Variants in CYFIP2 observed in about 807,000 individuals in gnomAD.
CYFIP2 encodes the protein cytoplasmic FMR1 interacting protein 2, also known as cytoplasmic FMR1-interacting protein 2.
In CYFIP2, 29 loss-of-function variants were observed where a neutral mutation model predicts 158.7. That is an observed-to-expected ratio of 0.18 (90% CI 0.14 to 0.25). CYFIP2 has a LOEUF of 0.25. CYFIP2 is among the 10% of genes least tolerant of loss of function. The probability of loss-of-function intolerance (pLI) is 1.00; values close to 1 mark genes in which losing one functional copy is unlikely to be tolerated. For missense variants in CYFIP2, 852 were observed against 1,639.5 expected, an observed-to-expected ratio of 0.52 and a Z score of 8.29; for synonymous variants, 585 against 617.6, an observed-to-expected ratio of 0.95 and a Z score of 0.78.
At chr5:157,386,040 T>C (rs947638401) in intron 28 of CYFIP2, among the ~76,000 whole-genome samples, 62 of 152,126 alleles carry the variant, frequency 4.1e-4, no homozygotes, top group African/African-American at 1.5e-3. Flanking sequence ...GAGAAAATGA[T>C]AGACATACCA....
chr5:157,388,229 A>G (rs940770065), intron 28 of CYFIP2, among the ~76,000 whole-genome samples: 7 of 152,198 alleles, frequency 4.6e-5, no homozygotes, highest in African/African-American at 1.7e-4. Flanking sequence ...CTCTACCCCT[A>G]CATGTTTTGA....
In CYFIP2 at chr5:157,395,120, C is replaced by T. The variant is rs942290394; in HGVS notation, c.*2120C>T. On this transcript the variant is annotated 3_prime_UTR_variant, in exon 31 of 31. Coordinates refer to ENST00000620254, the MANE Select transcript of CYFIP2 (RefSeq NM_001037333.3). ...ATATCCCTAAATTTGACCCTCTGGG[C>T]CGAGTCACATTACCTTCAGGAGACT... 3.0e-5 allele frequency: 5 copies of T among 168,452 alleles called. No homozygotes were observed. Among genetic ancestry groups the T allele is most frequent in the Non-Finnish European group, 6.3e-5 (5 of 79,572 alleles). 10.4% of individuals were successfully genotyped at this position (168,452 alleles called of 1,614,324 possible). A position where few individuals can be genotyped will look rare whatever the true frequency, so the allele number is the denominator to read the frequency against.
chr5:157,319,354 T>C (rs547225773), intron 13 of CYFIP2, among the ~76,000 whole-genome samples: 1 of 152,354 alleles, frequency 6.6e-6, no homozygotes, highest in East Asian at 1.9e-4. Flanking sequence ...AAAAGTTCTA[T>C]TTGATGTTGT....
intron 1 of CYFIP2, among the ~76,000 whole-genome samples, chr5:157,273,395 G>A (rs1756268421): frequency 6.6e-6 from 1 of 152,062 alleles, no homozygotes; most frequent in African/African-American, 2.4e-5. Flanking sequence ...CACCTCACAG[G>A]CAGTAATATT....
intron 26 of CYFIP2, among the ~76,000 whole-genome samples, chr5:157,378,413 T>C (rs1765697644): frequency 6.6e-6 from 1 of 152,248 alleles, no homozygotes; most frequent in Non-Finnish European, 1.5e-5. Flanking sequence ...GATATGATCC[T>C]GTCAGATGTG....
chr5:157,295,353 CTT>C (rs1758170070), intron 4 of CYFIP2, among the ~76,000 whole-genome samples: 2 of 152,128 alleles, frequency 1.3e-5, no homozygotes, highest in African/African-American at 2.4e-5. Context: ...TAATTACTGA[CTT>C]TTGTCATGTT....
At chr5:157,284,903 G>C (rs1365924908) in intron 1 of CYFIP2, among the ~76,000 whole-genome samples, 2 of 152,304 alleles carry the variant, frequency 1.3e-5, no homozygotes, top group Middle Eastern at 3.4e-3. Flanking sequence ...TAATTGTATT[G>C]CATGGTAATT....
In CYFIP2 at chr5:157,339,238, A is replaced by G. The variant is rs1401165380; in HGVS notation, c.2567A>G (p.Tyr856Cys). 4 of 1,613,816 alleles carry G rather than the reference A, an allele frequency of 2.5e-6. No homozygotes were observed. Among genetic ancestry groups the G allele is most frequent in the Non-Finnish European group, 3.4e-6 (4 of 1,179,874 alleles). The change falls in exon 22 of 31, where the codon TAC becomes TGC. Residue 856 changes from tyrosine (Y) to cysteine (C), a missense_variant. Transcript: ENST00000620254. The stretch of plus-strand genomic sequence containing the variant: ...TTTGACTTTCTCCCCAACTACTGCT[A>G]CAATGGGTCCACTAACCGGTAAGGG... ...LNFDFLPNYC[Y>C]NGSTNRFVRT...
intron 21 of CYFIP2, among the ~76,000 whole-genome samples, chr5:157,338,265 C>T (rs1485405298): frequency 2.0e-5 from 3 of 152,322 alleles, no homozygotes; most frequent in Middle Eastern, 6.8e-3. Context: ...ACATAGATCC[C>T]GGTCATCATG....
chr5:157,377,144 C>A (rs372316194), intron 26 of CYFIP2, among the ~76,000 whole-genome samples: 1 of 151,860 alleles, frequency 6.6e-6, no homozygotes, highest in East Asian at 1.9e-4. Flanking sequence ...TTGCTCTCCC[C>A]AATCCTTTCT....
At chr5:157,302,659 C>T (rs1414618421) in intron 6 of CYFIP2, 135 bp from the exon 7 acceptor site, 5 of 639,170 alleles carry the variant, frequency 7.8e-6, no homozygotes, top group Non-Finnish European at 1.4e-5. Context: ...ATTAGTGTTG[C>T]CTGGGATATT....
chr5:157,311,222 T>C lies in CYFIP2; in HGVS notation c.993-442T>C. ...AAAAGAGGCACAGTCACATTCATAT[T>C]TCCGCAATCCCAGCCCAAAGGCCCC... On this transcript the variant is annotated intron_variant, in intron 10 of 30. Transcript: ENST00000620254. The surrounding 1 kb of genome is among the most constrained non-coding windows in gnomAD (Gnocchi z 4.7). The C allele has an allele frequency of 2.5e-6, 1 of 392,446 alleles. No individual in the cohort carries two copies. Among genetic ancestry groups the C allele is most frequent in the African/African-American group, 2.1e-5 (1 of 48,162 alleles). 24.3% of individuals were successfully genotyped at this position (392,446 alleles called of 1,614,324 possible). A position where few individuals can be genotyped will look rare whatever the true frequency, so the allele number is the denominator to read the frequency against.
chr5:157,270,040 A>G (rs1170687517), intron 1 of CYFIP2, among the ~76,000 whole-genome samples: 2 of 152,252 alleles, frequency 1.3e-5, no homozygotes, highest in African/African-American at 4.8e-5. Flanking sequence ...GAGTTCAGGC[A>G]GAATTTCTTG....
intron 20 of CYFIP2, among the ~76,000 whole-genome samples, chr5:157,332,851 GCC>G (rs1761578338): frequency 6.6e-6 from 1 of 152,104 alleles, no homozygotes; most frequent in South Asian, 2.1e-4. Flanking sequence ...TTACTGTGTT[GCC>G]CATGCTGGTG....
chr5:157,272,552 T>G (rs73302143), intron 1 of CYFIP2, among the ~76,000 whole-genome samples: 3,126 of 152,328 alleles, frequency 0.021, 116 homozygotes, highest in African/African-American at 0.072. Context: ...TTCTAGTAGC[T>G]GCCTCCAGAT....
At position 157,390,586 on chromosome 5, in the gene CYFIP2, G is replaced by A. The variant is rs780179999; in HGVS notation, c.3512G>A (p.Arg1171His). The A allele has an allele frequency of 2.0e-5, 31 of 1,560,688 alleles. No homozygotes were observed. The highest frequency in any genetic ancestry group is 3.5e-5 in the South Asian group (3 of 84,644). The change falls in exon 30 of 31, where the codon CGT becomes CAT. Residue 1171 changes from arginine to histidine, a missense_variant. By Grantham distance (29) the Arg-to-His change is conservative (BLOSUM62 0). Around this residue, in one of 8 missense-constraint regions of CYFIP2, gnomAD observed 223 missense variants for 381.6 expected, o/e 0.58. Coordinates refer to ENST00000620254, the MANE Select transcript of CYFIP2 (RefSeq NM_001037333.3). Reference sequence around the variant, plus strand: ...ATCATTGTCCTGCTGGGCCAGCAGCGTCGCTTTGACCTGTTCGACTTCTGT... The same window carrying A: ...ATCATTGTCCTGCTGGGCCAGCAGCATCGCTTTGACCTGTTCGACTTCTGT... Reference protein sequence around the residue: ...CSIIVLLGQQRRFDLFDFCYH... With the variant: ...CSIIVLLGQQHRFDLFDFCYH...
chr5:157,384,434 C>T (rs1184796762), intron 28 of CYFIP2: 15 of 456,786 alleles, frequency 3.3e-5, no homozygotes, highest in Admixed American at 4.7e-5. Context: ...CTTTTGAACT[C>T]GCATTCCGGC....
intron 4 of CYFIP2, 79 bp from the exon 5 acceptor site, chr5:157,296,594 A>C (rs958909115): frequency 7.2e-7 from 1 of 1,395,346 alleles, no homozygotes; most frequent in East Asian, 2.3e-5. Flanking sequence ...ACCCTGTCTC[A>C]AAAACAAAAC....
intron 13 of CYFIP2, 123 bp from the exon 14 acceptor site, chr5:157,319,639 G>A: frequency 8.3e-7 from 1 of 1,205,088 alleles, no homozygotes; most frequent in Non-Finnish European, 1.1e-6. Flanking sequence ...GGCACTTTGA[G>A]TAGCACTGGC....
Sources: allele counts gnomAD v4.1 joint callset (sites outside exome capture counted in the v4.1 genomes callset), GRCh38; gene constraint gnomAD v4.1.1; regional missense constraint gnomAD v4.1.1; non-coding constraint Gnocchi (gnomAD v3.1); transcripts MANE v1.5; gene names NCBI Gene and HGNC (gene_info 2026-07-23, HGNC 2026-07-21).